Variants in GTF2F2 observed in about 807,000 individuals in gnomAD.
The protein encoded by GTF2F2 is ATP-dependent helicase GTF2F2.
In GTF2F2, 23 loss-of-function variants were observed where a neutral mutation model predicts 42.2. That is an observed-to-expected ratio of 0.55 (90% CI 0.39 to 0.77). GTF2F2 has a LOEUF of 0.77. Among genes scored for constraint, GTF2F2 ranks in the 30% least tolerant of loss-of-function variants. GTF2F2 has a pLI of 0.00. For synonymous variants in GTF2F2, 105 were observed against 100.8 expected (o/e 1.04, Z -0.25); for missense variants, 261 against 287.2 (o/e 0.91, Z 0.66).
At chr13:45,159,363 G>A (rs1870922925) in intron 4 of GTF2F2, among the ~76,000 whole-genome samples, 1 of 152,198 alleles carries the variant, frequency 6.6e-6, no homozygotes. Context: ...TGTCCTGCAA[G>A]TATAGTAAAT....
chr13:45,141,652 C>CTG (rs796738862), intron 2 of GTF2F2, among the ~76,000 whole-genome samples: 3 of 151,972 alleles, frequency 2.0e-5, no homozygotes, highest in Middle Eastern at 3.2e-3. Flanking sequence ...CTTACAAATA[C>CTG]TGTGTGTGTG....
chr13:45,210,790 A>T lies in GTF2F2; in HGVS notation c.386+3285A>T, dbSNP rs1476966457. On this transcript the variant is annotated intron_variant, in intron 5 of 7. Transcript: ENST00000340473. ...GTAAGAAATTTGGACAGTGTGCTATAACTATTAAGGAGATATGGAAAAATT... is the reference window on the plus strand; with the variant it reads ...GTAAGAAATTTGGACAGTGTGCTATTACTATTAAGGAGATATGGAAAAATT... Among the ~76,000 whole-genome samples the T allele has an allele frequency of 6.6e-5, 10 of 152,322 alleles. No homozygotes were observed. The East Asian group carries it at 1.9e-3, about 29-fold the overall frequency.
At chr13:45,154,567 ATTT>A (rs1372792698) in intron 4 of GTF2F2, among the ~76,000 whole-genome samples, 1 of 152,148 alleles carries the variant, frequency 6.6e-6, no homozygotes, top group Admixed American at 6.5e-5. Flanking sequence ...CACTATAACA[ATTT>A]TTTGCTTCTT....
At position 45,154,173 on chromosome 13, in the gene GTF2F2, G is replaced by C. The variant is rs150412689; in HGVS notation, c.304+2342G>C. 1.7e-3 allele frequency among the ~76,000 whole-genome samples: 260 copies of C among 152,134 alleles called. 1 individual carries two copies. Among genetic ancestry groups the C allele is most frequent in the African/African-American group, 4.5e-3 (188 of 41,494 alleles). On this transcript the variant is annotated intron_variant, in intron 4 of 7. Coordinates refer to ENST00000340473, the MANE Select transcript of GTF2F2 (RefSeq NM_004128.3). ...TGCCTTGATAAACGTTTGAGGTAGAGAAACTTGAACTTTTTTTTGTAGAAA... is the reference window on the plus strand; with the variant it reads ...TGCCTTGATAAACGTTTGAGGTAGACAAACTTGAACTTTTTTTTGTAGAAA...
intron 5 of GTF2F2, chr13:45,219,238 G>A (rs971769008): frequency 6.6e-6 from 1 of 152,032 alleles, no homozygotes; most frequent in African/African-American, 2.4e-5. Flanking sequence ...ATTTGCCCAA[G>A]GTCATGATTT....
At chr13:45,127,287 G>A (rs1374822731) in intron 1 of GTF2F2, among the ~76,000 whole-genome samples, 5 of 151,438 alleles carry the variant, frequency 3.3e-5, no homozygotes, top group African/African-American at 1.2e-4. Context: ...CTGCAAACTT[G>A]TTTTTGTCCA....
Position 45,191,222 on chromosome 13 carries a change from AAAATATATATATAT to A in GTF2F2, c.305-16200_305-16187del, listed in dbSNP as rs1027801204. On this transcript the variant is annotated intron_variant, in intron 4 of 7. Coordinates refer to ENST00000340473, the MANE Select transcript of GTF2F2 (RefSeq NM_004128.3). ...CCGTCTCTACTAAAAATACAAAAAA[AAAATATATATATAT>A]ATATATATATATATATATAGCCATA... 3.4e-4 allele frequency among the ~76,000 whole-genome samples: 24 copies of A among 69,964 alleles called. 1 individual carries two copies. Among genetic ancestry groups the A allele is most frequent in the South Asian group, 8.0e-4 (2 of 2,508 alleles). 45.9% of individuals were successfully genotyped at this position (69,964 alleles called of 152,430 possible).
At chr13:45,165,331 A>ATATATATT (rs761914958) in intron 4 of GTF2F2, among the ~76,000 whole-genome samples, 14 of 136,914 alleles carry the variant, frequency 1.0e-4, no homozygotes, top group African/African-American at 4.0e-4. Context: ...ATATATATAT[A>ATATATATT]TTTTTTTTTT....
chr13:45,267,762 T>C lies in GTF2F2; in HGVS notation c.630+386T>C, dbSNP rs924534828. ...CATTCTTTAAAGAATTATACTGTTT[T>C]GTCATTGTGGGAGGGTTTATCCCTG... On this transcript the variant is annotated intron_variant, in intron 7 of 7. Coordinates refer to ENST00000340473, the MANE Select transcript of GTF2F2 (RefSeq NM_004128.3). Among the ~76,000 whole-genome samples the C allele has an allele frequency of 2.6e-5, 4 of 152,182 alleles. No homozygotes were observed. In the East Asian group the frequency reaches 7.7e-4, roughly 29 times the overall value.
At chr13:45,133,920 C>T (rs1316325276) in intron 1 of GTF2F2, among the ~76,000 whole-genome samples, 1 of 152,180 alleles carries the variant, frequency 6.6e-6, no homozygotes, top group African/African-American at 2.4e-5. Context: ...CTCCTGTATA[C>T]ACCCCATGGT....
chr13:45,270,105 T>G (rs942134697), intron 7 of GTF2F2, among the ~76,000 whole-genome samples: 1 of 152,198 alleles, frequency 6.6e-6, no homozygotes. Flanking sequence ...GTGCTGAGAT[T>G]ACACGTGAGC....
intron 5 of GTF2F2, among the ~76,000 whole-genome samples, chr13:45,218,578 G>A (rs1466630212): frequency 6.6e-6 from 1 of 152,138 alleles, no homozygotes; most frequent in Non-Finnish European, 1.5e-5. Flanking sequence ...TTTCTTACCA[G>A]TTTACTTAAA....
chr13:45,203,942 C>T (rs747800931), intron 4 of GTF2F2, among the ~76,000 whole-genome samples: 6 of 152,002 alleles, frequency 3.9e-5, no homozygotes, highest in Non-Finnish European at 5.9e-5. Flanking sequence ...GAGGGGTCCC[C>T]GAGATCCTTT....
intron 4 of GTF2F2, among the ~76,000 whole-genome samples, chr13:45,201,681 G>C (rs1482324295): frequency 6.6e-6 from 1 of 152,134 alleles, no homozygotes; most frequent in Non-Finnish European, 1.5e-5. Context: ...CATCATCAAA[G>C]ATGTGTGTTC....
chr13:45,269,630 G>C (rs1876708364), intron 7 of GTF2F2, among the ~76,000 whole-genome samples: 1 of 152,192 alleles, frequency 6.6e-6, no homozygotes, highest in Non-Finnish European at 1.5e-5. Context: ...AGGAAAGGGG[G>C]TGTTCTGGTA....
chr13:45,144,687 CGCCTCG>C (rs1870107402), intron 2 of GTF2F2, among the ~76,000 whole-genome samples: 1 of 151,798 alleles, frequency 6.6e-6, no homozygotes, highest in African/African-American at 2.4e-5. Context: ...GTGATCCACC[CGCCTCG>C]GCCTCCCAAA....
chr13:45,242,911 T>G (rs1258486424), intron 5 of GTF2F2, among the ~76,000 whole-genome samples: 5 of 152,224 alleles, frequency 3.3e-5, no homozygotes, highest in African/African-American at 1.2e-4. Flanking sequence ...TTTGGCATTT[T>G]TTCGTTTAGT....
intron 6 of GTF2F2, among the ~76,000 whole-genome samples, chr13:45,266,160 ATAAAC>A (rs1876552781): frequency 6.6e-6 from 1 of 152,240 alleles, no homozygotes; most frequent in African/African-American, 2.4e-5. Context: ...AAACTGCAGA[ATAAAC>A]ATAACACATG....
At chr13:45,156,483 A>G (rs1014503832) in intron 4 of GTF2F2, among the ~76,000 whole-genome samples, 1 of 152,256 alleles carries the variant, frequency 6.6e-6, no homozygotes, top group African/African-American at 2.4e-5. Flanking sequence ...AAAATTCATT[A>G]AAGCAAAAAA....
Sources: allele counts gnomAD v4.1 joint callset (sites outside exome capture counted in the v4.1 genomes callset), GRCh38; gene constraint gnomAD v4.1.1; transcripts MANE v1.5; gene names NCBI Gene and HGNC (gene_info 2026-07-23, HGNC 2026-07-21).